The following TNFSF13B variants were observed in gnomAD, a reference collection of about 807,000 sequenced individuals.
The protein encoded by TNFSF13B is tumor necrosis factor ligand superfamily member 13B.
In TNFSF13B, 8 loss-of-function variants were observed where a neutral mutation model predicts 29.1. That is an observed-to-expected ratio of 0.27 (90% CI 0.16 to 0.50). The LOEUF (loss-of-function observed/expected upper bound fraction) is 0.50. Among genes scored for constraint, TNFSF13B ranks in the 20% least tolerant of loss-of-function variants. The probability of loss-of-function intolerance (pLI) is 0.98; values close to 1 mark genes in which losing one functional copy is unlikely to be tolerated. For missense variants in TNFSF13B, 248 were observed against 334.9 expected, an observed-to-expected ratio of 0.74 and a Z score of 2.03; for synonymous variants, 125 against 130.8, an observed-to-expected ratio of 0.96 and a Z score of 0.30.
chr13:108,302,775 G>A, intron 3 of TNFSF13B: 1 of 981,754 alleles, frequency 1.0e-6, no homozygotes. Context: ...TTCTTCCGTA[G>A]GCTCCCTTCT....
At chr13:108,275,739 A>G (rs1176927797) in intron 2 of TNFSF13B, among the ~76,000 whole-genome samples, 1 of 152,138 alleles carries the variant, frequency 6.6e-6, no homozygotes, top group African/African-American at 2.4e-5. Context: ...CTTCCCTAAT[A>G]CTAACATCTT....
At position 108,270,335 on chromosome 13, in the gene TNFSF13B, C is replaced by G. The variant is rs766048024; in HGVS notation, c.340-5C>G. Reference sequence around the variant, plus strand: ...TCTAATAACTTGAAGTTTTTCTGTTCATAGATCTTTGAACCACCAGCTCCA... The same window carrying G: ...TCTAATAACTTGAAGTTTTTCTGTTGATAGATCTTTGAACCACCAGCTCCA... On this transcript the variant is annotated splice_polypyrimidine_tract_variant and splice_region_variant and intron_variant, in intron 1 of 5. Transcript: ENST00000375887. The G allele has an allele frequency of 6.2e-7, 1 of 1,614,166 alleles. No homozygotes were observed. The highest frequency in any genetic ancestry group is 8.5e-7 in the Non-Finnish European group (1 of 1,180,012).
At chr13:108,290,354 C>G (rs1244640494) in intron 3 of TNFSF13B, among the ~76,000 whole-genome samples, 1 of 152,096 alleles carries the variant, frequency 6.6e-6, no homozygotes, top group Non-Finnish European at 1.5e-5. Context: ...TTGTGTGCAT[C>G]CGTAACTTCT....
chr13:108,284,250 G>A (rs537535227), intron 2 of TNFSF13B, among the ~76,000 whole-genome samples: 21 of 152,252 alleles, frequency 1.4e-4, no homozygotes, highest in East Asian at 3.9e-4. Flanking sequence ...AATGGCGTGA[G>A]CGCGGGAGGC....
chr13:108,286,418 ATGTTAGATTTTTTAAAACCAAAGATTGTT>A (rs1881134158), intron 2 of TNFSF13B, among the ~76,000 whole-genome samples: 1 of 152,094 alleles, frequency 6.6e-6, no homozygotes, highest in African/African-American at 2.4e-5. Flanking sequence ...TCATTATTTA[ATGTTAGATTTTTTAAAACCAAAGATTGTT>A]TAGAATGTTC....
intron 2 of TNFSF13B, among the ~76,000 whole-genome samples, chr13:108,280,682 T>C (rs1880916966): frequency 6.6e-6 from 1 of 151,556 alleles, no homozygotes; most frequent in Non-Finnish European, 1.5e-5. Flanking sequence ...ATTAGATGAA[T>C]AGTAAACTGA....
intron 3 of TNFSF13B, among the ~76,000 whole-genome samples, chr13:108,291,620 A>G (rs1221537271): frequency 6.6e-6 from 1 of 151,772 alleles, no homozygotes; most frequent in East Asian, 1.9e-4. Context: ...TTTGGATTGC[A>G]TTTCCCTAGC....
At position 108,285,524 on chromosome 13, in the gene TNFSF13B, A is replaced by G. The variant is rs1594523752; in HGVS notation, c.425-1279A>G. ...GTTACTGTATTGAATATTGTAGGCAATTGTATAATAATGCAATGGTAAGTA... is the reference window on the plus strand; with the variant it reads ...GTTACTGTATTGAATATTGTAGGCAGTTGTATAATAATGCAATGGTAAGTA... On this transcript the variant is annotated intron_variant, in intron 2 of 5. Transcript: ENST00000375887. Among the ~76,000 whole-genome samples the G allele has an allele frequency of 2.0e-5, 3 of 152,356 alleles. No homozygotes were observed. In the East Asian group the frequency reaches 5.8e-4, roughly 29 times the overall value.
chr13:108,303,223 T>A (rs1253438712), intron 3 of TNFSF13B, 30 bp from the exon 4 acceptor site: 1 of 1,515,868 alleles, frequency 6.6e-7, no homozygotes, highest in Admixed American at 1.9e-5. Flanking sequence ...TCTTGGTTTC[T>A]TTCCTTATAA....
At chr13:108,292,997 C>T (rs189920658) in intron 3 of TNFSF13B, among the ~76,000 whole-genome samples, 127 of 152,128 alleles carry the variant, frequency 8.3e-4, no homozygotes, top group African/African-American at 2.9e-3. Flanking sequence ...GAACTCATTG[C>T]CAAATTCAAC....
chr13:108,304,732 T>TGCCCAATAAGTCAG (rs1881722791), intron 5 of TNFSF13B, among the ~76,000 whole-genome samples: 1 of 152,142 alleles, frequency 6.6e-6, no homozygotes, highest in Non-Finnish European at 1.5e-5. Context: ...TTCAAAGGCA[T>TGCCCAATAAGTCAG]TTACAAACAA....
intron 3 of TNFSF13B, among the ~76,000 whole-genome samples, chr13:108,302,426 A>G (rs1881652043): frequency 6.6e-6 from 1 of 152,112 alleles, no homozygotes; most frequent in African/African-American, 2.4e-5. Flanking sequence ...CAACACACCC[A>G]TGAGAAATCC....
At chr13:108,304,539 G>A (rs924739390) in intron 5 of TNFSF13B, among the ~76,000 whole-genome samples, 2 of 152,092 alleles carry the variant, frequency 1.3e-5, no homozygotes, top group Non-Finnish European at 2.9e-5. Context: ...TTTTTCAAGG[G>A]TGATTTAAAA....
At chr13:108,298,896 C>A (rs1344506719) in intron 3 of TNFSF13B, among the ~76,000 whole-genome samples, 1 of 145,398 alleles carries the variant, frequency 6.9e-6, no homozygotes, top group Non-Finnish European at 1.5e-5. Context: ...ACTCGAACCC[C>A]AGAGGCAGAG....
chr13:108,271,454 A>T (rs1357082574), intron 2 of TNFSF13B, among the ~76,000 whole-genome samples: 4 of 129,422 alleles, frequency 3.1e-5, no homozygotes, highest in South Asian at 2.7e-4. Flanking sequence ...TCACACACAC[A>T]CACACACACA....
Position 108,306,974 on chromosome 13 carries a change from T to C in TNFSF13B, c.*36T>C. 7.5e-6 allele frequency: 7 copies of C among 930,650 alleles called. No individual in the cohort carries two copies. Among genetic ancestry groups the C allele is most frequent in the African/African-American group, 1.9e-5 (1 of 52,208 alleles). 57.6% of individuals were successfully genotyped at this position (930,650 alleles called of 1,614,324 possible). ...CCATGTCTGTAGCTATTTTCCTCCC[T>C]TTCTCTGTACCTCTAAGAAGAAAGA... On this transcript the variant is annotated 3_prime_UTR_variant, in exon 6 of 6. Transcript: ENST00000375887.
chr13:108,271,781 G>A (rs2139038551), intron 2 of TNFSF13B, among the ~76,000 whole-genome samples: 1 of 151,874 alleles, frequency 6.6e-6, no homozygotes, highest in Non-Finnish European at 1.5e-5. Context: ...TATACAATAA[G>A]GATTTTTCCT....
chr13:108,279,465 G>C (rs149556328), intron 2 of TNFSF13B, among the ~76,000 whole-genome samples: 118 of 152,266 alleles, frequency 7.7e-4, no homozygotes, highest in South Asian at 1.7e-3. Context: ...TTAGTAGGAG[G>C]GAACAGCAGA....
At chr13:108,279,176 A>C (rs994438539) in intron 2 of TNFSF13B, among the ~76,000 whole-genome samples, 1 of 152,176 alleles carries the variant, frequency 6.6e-6, no homozygotes, top group Admixed American at 6.5e-5. Flanking sequence ...TTTTTATGTA[A>C]ATTGTTTCAT....
Sources: allele counts gnomAD v4.1 joint callset (sites outside exome capture counted in the v4.1 genomes callset), GRCh38; gene constraint gnomAD v4.1.1; transcripts MANE v1.5; gene names NCBI Gene and HGNC (gene_info 2026-07-23, HGNC 2026-07-21).